The following PCDHA7 variants were observed in gnomAD, a reference collection of about 807,000 sequenced individuals.
PCDHA7 encodes the protein protocadherin alpha 7.
Under a neutral mutation model 57.2 loss-of-function variants are expected in PCDHA7, and 37 were observed. The ratio of observed to expected loss-of-function variants is 0.65; its 90% CI spans 0.50 to 0.85. The LOEUF (loss-of-function observed/expected upper bound fraction) is 0.85, where lower values mean the gene tolerates loss of function less well. Ranked by LOEUF, PCDHA7 falls within the 40% of genes least tolerant of loss-of-function variation. The pLI is 0.00. For synonymous variants in PCDHA7, 553 were observed against 558.8 expected (o/e 0.99, Z 0.15); for missense variants, 1,188 against 1,241.8 (o/e 0.96, Z 0.65).
At chr5:140,875,262 C>A in intron 1 of PCDHA7, 1 of 1,157,366 alleles carries the variant, frequency 8.6e-7, no homozygotes, top group African/African-American at 1.6e-5. Flanking sequence ...CATGATGTCG[C>A]TCTACACTCA....
intron 3 of PCDHA7, among the ~76,000 whole-genome samples, chr5:141,003,476 C>G (rs555987176): frequency 1.3e-3 from 191 of 152,130 alleles, no homozygotes; most frequent in African/African-American, 4.3e-3. Context: ...CACAGTCTCG[C>G]TAATTTTTAT....
chr5:140,942,122 G>A (rs2093234713), intron 1 of PCDHA7, among the ~76,000 whole-genome samples: 1 of 152,064 alleles, frequency 6.6e-6, no homozygotes, highest in Non-Finnish European at 1.5e-5. Flanking sequence ...TTTATTAAAG[G>A]TGATATTTGT....
chr5:140,843,293 G>T, intron 1 of PCDHA7: 1 of 1,595,972 alleles, frequency 6.3e-7, no homozygotes, highest in East Asian at 2.2e-5. Context: ...TGGTGAACCT[G>T]CGCTGACCGC....
intron 1 of PCDHA7, chr5:140,927,199 G>A: frequency 4.3e-6 from 7 of 1,614,128 alleles, no homozygotes; most frequent in Non-Finnish European, 5.9e-6. Context: ...GGTGCTCGAG[G>A]ACCCGCTGGA....
At chr5:140,842,470 G>A (rs782055761) in intron 1 of PCDHA7, 2 of 1,613,802 alleles carry the variant, frequency 1.2e-6, no homozygotes, top group South Asian at 1.1e-5. Context: ...GTGCCAACGG[G>A]CAGGTGACCT....
chr5:140,953,475 T>C (rs1178172011), intron 1 of PCDHA7, among the ~76,000 whole-genome samples: 3 of 152,140 alleles, frequency 2.0e-5, no homozygotes, highest in African/African-American at 7.2e-5. Context: ...AACTTCCTCA[T>C]GCTGTGTCAC....
At chr5:140,918,694 T>C (rs1260893633) in intron 1 of PCDHA7, among the ~76,000 whole-genome samples, 2 of 152,186 alleles carry the variant, frequency 1.3e-5, no homozygotes, top group Non-Finnish European at 2.9e-5. Flanking sequence ...CAAACATAAT[T>C]AAGTCATGAG....
At position 140,836,156 on chromosome 5, in the gene PCDHA7, G is replaced by T; in HGVS notation, c.1773G>T (p.Val591=). 6.2e-7 allele frequency: 1 copy of T among 1,613,820 alleles called. No homozygotes were observed. Among genetic ancestry groups the T allele is most frequent in the Non-Finnish European group, 8.5e-7 (1 of 1,179,788 alleles). The change falls in exon 1 of 4, where the codon GTG becomes GTT. Residue 591 remains valine (V), a synonymous_variant. Coordinates refer to ENST00000525929, the MANE Select transcript of PCDHA7 (RefSeq NM_018910.3). ...GGTCTGTGGGCGCGGGCCATGTGGTGGCGAAGGTACGTGCAGTTGACGCTG... is the reference window on the plus strand; with the variant it reads ...GGTCTGTGGGCGCGGGCCATGTGGTTGCGAAGGTACGTGCAGTTGACGCTG... ...VPRSVGAGHV[V]AKVRAVDADS... is the part of the protein sequence containing the mutation.
At position 140,879,431 on chromosome 5, in the gene PCDHA7, T is replaced by G. The variant is rs78313657; in HGVS notation, c.2355+42693T>G. 2.0e-5 allele frequency among the ~76,000 whole-genome samples: 3 copies of G among 152,202 alleles called. No homozygotes were observed. In the East Asian group the frequency reaches 5.8e-4, roughly 29 times the overall value. The stretch of plus-strand genomic sequence containing the variant: ...AGCAGGTAGGGAATGGAGATGAACA[T>G]TTAAGAAAATGTTACTTTGAAGTCC... On this transcript the variant is annotated intron_variant, in intron 1 of 3. Transcript: ENST00000525929.
At chr5:140,868,969 T>G (rs986271383) in intron 1 of PCDHA7, 1 of 1,450,578 alleles carries the variant, frequency 6.9e-7, no homozygotes, top group South Asian at 1.4e-5. Flanking sequence ...ACAAAGGAAC[T>G]CCATCATACC....
chr5:140,849,774 G>T (rs2150449369), intron 1 of PCDHA7: 2 of 1,598,482 alleles, frequency 1.3e-6, no homozygotes, highest in East Asian at 4.5e-5. Context: ...GGTGGTTACC[G>T]CGCGGGACGG....
intron 1 of PCDHA7, chr5:140,862,898 C>T (rs782019926): frequency 8.8e-5 from 49 of 555,816 alleles, no homozygotes; most frequent in Non-Finnish European, 7.3e-5. Flanking sequence ...ACAACTTTGT[C>T]TGCGCTGCTG....
intron 1 of PCDHA7, among the ~76,000 whole-genome samples, chr5:140,935,834 C>G (rs1037488504): frequency 1.3e-5 from 2 of 151,624 alleles, no homozygotes; most frequent in African/African-American, 2.4e-5. Flanking sequence ...ACACATATTC[C>G]ATACTGCTTA....
intron 1 of PCDHA7, chr5:140,929,422 T>C: frequency 1.3e-6 from 2 of 1,500,730 alleles, no homozygotes; most frequent in Non-Finnish European, 1.8e-6. Context: ...CAACATTTCA[T>C]CAATTGAACT....
chr5:140,922,177 A>G (rs1194396252), intron 1 of PCDHA7, among the ~76,000 whole-genome samples: 1 of 69,034 alleles, frequency 1.4e-5, no homozygotes, highest in Non-Finnish European at 3.3e-5. Context: ...TACAGCAGAC[A>G]AAAAAAAAGT....
chr5:141,009,889 G>A lies in PCDHA7; in HGVS notation c.2766G>A (p.Gln922=). ...KKKKKKGNKT[Q]EKKEKGNSTT... is the part of the protein sequence containing the mutation. ...AAAAGAAGAAGGGTAACAAGACCCAGGAGAAAAAAGAGAAAGGGAACAGCA... is the reference window on the plus strand; with the variant it reads ...AAAAGAAGAAGGGTAACAAGACCCAAGAGAAAAAAGAGAAAGGGAACAGCA... Residue 922 remains glutamine, a synonymous_variant, in exon 4 of 4, where the codon CAG becomes CAA. Transcript: ENST00000525929. 6.2e-7 allele frequency: 1 copy of A among 1,612,866 alleles called. No homozygotes were observed. Among genetic ancestry groups the A allele is most frequent in the South Asian group, 1.1e-5 (1 of 90,852 alleles).
At chr5:140,905,669 A>T (rs781948009) in intron 1 of PCDHA7, among the ~76,000 whole-genome samples, 1 of 152,228 alleles carries the variant, frequency 6.6e-6, no homozygotes, top group Non-Finnish European at 1.5e-5. Flanking sequence ...ATCCATTAAC[A>T]TGGAACATAT....
chr5:140,955,501 A>G (rs1479045859), intron 1 of PCDHA7, among the ~76,000 whole-genome samples: 5 of 152,114 alleles, frequency 3.3e-5, no homozygotes, highest in African/African-American at 1.2e-4. Context: ...CATGTGAAGA[A>G]AGACGTGTTT....
chr5:140,980,810 GA>G (rs1410107766), intron 2 of PCDHA7, among the ~76,000 whole-genome samples: 5 of 152,024 alleles, frequency 3.3e-5, no homozygotes, highest in Non-Finnish European at 7.4e-5. Context: ...GTAATACATT[GA>G]ACATATTAAA....
Sources: allele counts gnomAD v4.1 joint callset (sites outside exome capture counted in the v4.1 genomes callset), GRCh38; gene constraint gnomAD v4.1.1; transcripts MANE v1.5; gene names NCBI Gene and HGNC (gene_info 2026-07-23, HGNC 2026-07-21).